FER1L5: variants seen among roughly 807,000 people sequenced by gnomAD.
FER1L5 encodes the protein fer-1 like family member 5.
In FER1L5, 187 loss-of-function variants were observed where a neutral mutation model predicts 279.9. The ratio of observed to expected loss-of-function variants is 0.67; its 90% confidence interval spans 0.59 to 0.75. The LOEUF (loss-of-function observed/expected upper bound fraction) is 0.75. FER1L5 is among the 30% of genes least tolerant of loss of function. The pLI is 0.00. For synonymous variants in FER1L5, 921 were observed against 989.7 expected, an observed-to-expected ratio of 0.93 and a Z score of 1.30; for missense variants, 2,091 against 2,594.4, an observed-to-expected ratio of 0.81 and a Z score of 4.21.
At chr2:96,657,127 T>A (rs2075630745) in intron 9 of FER1L5, among the ~76,000 whole-genome samples, 1 of 151,594 alleles carries the variant, frequency 6.6e-6, no homozygotes, top group African/African-American at 2.4e-5. Context: ...CAGGCTTGAA[T>A]GCTGTGGCAC....
At chr2:96,669,924 G>A (rs1271478106) in intron 17 of FER1L5, among the ~76,000 whole-genome samples, 195 bp from the exon 18 acceptor site, 1 of 152,140 alleles carries the variant, frequency 6.6e-6, no homozygotes, top group Non-Finnish European at 1.5e-5. Flanking sequence ...GGATCCCAGG[G>A]TGCAGAAGAG....
intron 19 of FER1L5, among the ~76,000 whole-genome samples, chr2:96,677,639 G>C (rs2076557057): frequency 6.6e-6 from 1 of 152,144 alleles, no homozygotes; most frequent in East Asian, 1.9e-4. Flanking sequence ...GCTGAGGCGG[G>C]TGGATCACCT....
intron 19 of FER1L5, among the ~76,000 whole-genome samples, chr2:96,683,569 G>C (rs948262515): frequency 1.3e-5 from 2 of 150,732 alleles, no homozygotes; most frequent in African/African-American, 4.9e-5. Flanking sequence ...TGCCTTTCCG[G>C]GGGGGACACA....
intron 9 of FER1L5, among the ~76,000 whole-genome samples, chr2:96,659,355 T>C (rs868866925): frequency 1.4e-5 from 1 of 73,590 alleles, no homozygotes; most frequent in Non-Finnish European, 2.7e-5. Context: ...CCTTCCTTCC[T>C]TCCTTCCTTC....
intron 9 of FER1L5, among the ~76,000 whole-genome samples, chr2:96,659,536 G>C (rs1288073213): frequency 1.4e-5 from 2 of 142,190 alleles, no homozygotes; most frequent in African/African-American, 5.2e-5. Flanking sequence ...CTGTCGCCCA[G>C]GCTGGAGAGC....
intron 27 of FER1L5, 96 bp downstream of exon 27, chr2:96,690,685 G>GT: frequency 1.7e-6 from 2 of 1,153,174 alleles, no homozygotes; most frequent in Non-Finnish European, 2.5e-6. Flanking sequence ...GCCCTCCATG[G>GT]TATACGCCTA....
intron 19 of FER1L5, among the ~76,000 whole-genome samples, chr2:96,676,138 C>T (rs1329182625): frequency 6.6e-6 from 1 of 152,164 alleles, no homozygotes; most frequent in Non-Finnish European, 1.5e-5. Context: ...CAGTGGAGCA[C>T]CATTTGCCTG....
At position 96,661,459 on chromosome 2, in the gene FER1L5, C is replaced by T. The variant is rs953376248; in HGVS notation, c.894+19C>T. The stretch of plus-strand genomic sequence containing the variant: ...GGCCCTGGTGAGCTGCCCCTAACCC[C>T]GGAAACTTTCCTATCCTGGCTGCCT... On this transcript the variant is annotated intron_variant, in intron 11 of 52. Transcript: ENST00000624922. 1.6e-5 allele frequency: 25 copies of T among 1,549,218 alleles called. No individual in the cohort carries two copies. Among genetic ancestry groups the T allele is most frequent in the African/African-American group, 1.4e-4 (10 of 73,046 alleles).
At chr2:96,656,833 G>T (rs1283561558) in intron 9 of FER1L5, among the ~76,000 whole-genome samples, 1 of 147,936 alleles carries the variant, frequency 6.8e-6, no homozygotes, top group Non-Finnish European at 1.5e-5. Context: ...TCTGGGTTTT[G>T]CTGATTTCAT....
In FER1L5 at chr2:96,702,713, C is replaced by T. The variant is rs754963518; in HGVS notation, c.5369C>T (p.Ala1790Val). ...ATCTTTACCATGGACTACCTGGCGG[C>T]GGAGCGCACGTGTGTCCAGAGCCAG... Reference protein sequence around the residue: ...RFIFTMDYLAAERTCVQSQKD... With the variant: ...RFIFTMDYLAVERTCVQSQKD... The change falls in exon 48 of 53, where the codon GCG becomes GTG. Residue 1790 changes from alanine to valine, a missense_variant. Coordinates refer to ENST00000624922, the MANE Select transcript of FER1L5 (RefSeq NM_001293083.2). This position sits in a 1 kb window ranked among gnomAD's most constrained non-coding sequence, Gnocchi z 4.0. The T allele has an allele frequency of 9.9e-6, 16 of 1,612,950 alleles. No individual in the cohort carries two copies. The highest frequency in any genetic ancestry group is 6.7e-5 in the East Asian group (3 of 44,834).
chr2:96,674,581 T>C (rs1221321703), intron 19 of FER1L5, among the ~76,000 whole-genome samples: 2 of 152,154 alleles, frequency 1.3e-5, no homozygotes, highest in Non-Finnish European at 2.9e-5. Context: ...ATGGAACATA[T>C]AATATGTGGT....
Position 96,694,411 on chromosome 2 carries a change from G to A in FER1L5, c.3688G>A (p.Ala1230Thr). The part of the protein sequence containing the change: ...PILSVPWKNG[A>T]YTLPKSIQPT... ...CTTAAGCGTTCCCTGGAAGAATGGG[G>A]CATACACACTCCCCAAGAGCATCCA... Residue 1230 changes from alanine to threonine, a missense_variant, in exon 34 of 53, where the codon GCA becomes ACA. Coordinates refer to ENST00000624922, the MANE Select transcript of FER1L5 (RefSeq NM_001293083.2). This position sits in a 1 kb window ranked among gnomAD's most constrained non-coding sequence, Gnocchi z 4.6. The A allele has an allele frequency of 6.4e-7, 1 of 1,550,842 alleles. No homozygotes were observed. The highest frequency in any genetic ancestry group is 1.4e-5 in the African/African-American group (1 of 73,158).
chr2:96,685,685 C>T (rs970131056), intron 21 of FER1L5, among the ~76,000 whole-genome samples: 1 of 152,216 alleles, frequency 6.6e-6, no homozygotes, highest in Non-Finnish European at 1.5e-5. Flanking sequence ...TCCTCTTCCT[C>T]CAGACAAGCC....
chr2:96,702,733 A>G lies in FER1L5; in HGVS notation c.5389A>G (p.Ser1797Gly). 1 of 1,613,004 alleles carries G rather than the reference A, an allele frequency of 6.2e-7. No individual in the cohort carries two copies. Residue 1797 changes from serine to glycine, a missense_variant, in exon 48 of 53, where the codon AGC (serine) becomes GGC (glycine). Physicochemically the swap from Ser to Gly is moderately conservative, Grantham distance 56. Coordinates refer to ENST00000624922, the MANE Select transcript of FER1L5 (RefSeq NM_001293083.2). The surrounding 1 kb of genome is among the most constrained non-coding windows in gnomAD (Gnocchi z 4.0). ...YLAAERTCVQ[S>G]QKDYIWSLDA... ...GGCGGCGGAGCGCACGTGTGTCCAG[A>G]GCCAGAAGGTAACAGGCCTGGGGCG...
chr2:96,652,248 A>C (rs1234483246), intron 7 of FER1L5: 1 of 565,686 alleles, frequency 1.8e-6, no homozygotes, highest in Non-Finnish European at 3.1e-6. Flanking sequence ...TGAATCCGTA[A>C]ACAATTACAA....
In FER1L5 at chr2:96,665,645, C is replaced by A. The variant is rs1458356618; in HGVS notation, c.1140+2138C>A. On this transcript the variant is annotated intron_variant, in intron 14 of 52. Coordinates refer to ENST00000624922, the MANE Select transcript of FER1L5 (RefSeq NM_001293083.2). ...CTGAGACAGAGTTTCATTCTTGTCA[C>A]CCAGGCTGGAGTGCAATGGCGCGAT... Among the ~76,000 whole-genome samples the A allele has an allele frequency of 2.0e-5, 3 of 151,730 alleles. No homozygotes were observed. The East Asian group carries it at 5.8e-4, about 29-fold the overall frequency.
At chr2:96,678,287 G>A (rs1156987569) in intron 19 of FER1L5, among the ~76,000 whole-genome samples, 1 of 150,530 alleles carries the variant, frequency 6.6e-6, no homozygotes. Context: ...GTGCCACCAC[G>A]CCCGGCTAGA....
intron 14 of FER1L5, among the ~76,000 whole-genome samples, chr2:96,666,958 C>A (rs1009187023): frequency 4.6e-5 from 7 of 151,986 alleles, no homozygotes; most frequent in African/African-American, 1.7e-4. Context: ...GGCCTCTTTT[C>A]TTTCTTTCTT....
Position 96,702,090 on chromosome 2 carries a change from C to A in FER1L5, c.5159+47C>A. On this transcript the variant is annotated intron_variant, in intron 46 of 52. Coordinates refer to ENST00000624922, the MANE Select transcript of FER1L5 (RefSeq NM_001293083.2). This position sits in a 1 kb window ranked among gnomAD's most constrained non-coding sequence, Gnocchi z 4.0. Reference sequence around the variant, plus strand: ...AACTGCTGCATTTCACAGTTCAGAACTCCCCCAGTGCAGGGCACCACTGTC... The same window carrying A: ...AACTGCTGCATTTCACAGTTCAGAAATCCCCCAGTGCAGGGCACCACTGTC... 1 of 1,603,782 alleles carries A rather than the reference C, an allele frequency of 6.2e-7. No homozygotes were observed. The highest frequency in any genetic ancestry group is 8.5e-7 in the Non-Finnish European group (1 of 1,171,350).
Sources: gnomAD v4.1 joint callset for allele counts (sites outside exome capture counted in the v4.1 genomes callset) on GRCh38, gnomAD v4.1.1 for gene constraint, Gnocchi (gnomAD v3.1) non-coding constraint, MANE v1.5 for transcripts, NCBI Gene and HGNC (gene_info 2026-07-23, HGNC 2026-07-21) for gene names.